LMF1: variants seen among roughly 807,000 people sequenced by gnomAD.
LMF1 encodes the protein transmembrane protein 112.
In LMF1, 68 loss-of-function variants were observed where a neutral mutation model predicts 60.6. The observed-to-expected ratio is 1.12, with a 90% CI of 0.92 to 1.37. LMF1 has a LOEUF of 1.37. LMF1 is among the 40% of genes most tolerant of loss of function. LMF1 has a pLI of 0.00. For missense variants in LMF1, 948 were observed against 767.2 expected (o/e 1.24, Z -2.78); for synonymous variants, 418 against 324.7 (o/e 1.29, Z -3.09).
At chr16:866,508 G>T (rs2069614179) in intron 10 of LMF1, among the ~76,000 whole-genome samples, 1 of 152,172 alleles carries the variant, frequency 6.6e-6, no homozygotes, top group East Asian at 1.9e-4. Flanking sequence ...GGGGTTGGGG[G>T]AGTCCAGGCT....
rs1378943861 is a variant in LMF1, at chr16:897,127, C to T, written c.664-4055G>A. 2.0e-5 allele frequency among the ~76,000 whole-genome samples: 3 copies of T among 152,234 alleles called. No individual in the cohort carries two copies. Among genetic ancestry groups the T allele is most frequent in the Non-Finnish European group, 4.4e-5 (3 of 68,044 alleles). On this transcript the variant is annotated intron_variant, in intron 4 of 10. Coordinates refer to ENST00000262301, the MANE Select transcript of LMF1 (RefSeq NM_022773.4). This position sits in a 1 kb window ranked among gnomAD's most constrained non-coding sequence, Gnocchi z 4.3. ...ACTTTCCAGGCCCATCGACGATGTT[C>T]CCGCCTTGCAACGTGTGGCTGCAGC...
chr16:908,734 C>T (rs1295745551), intron 4 of LMF1, among the ~76,000 whole-genome samples: 1 of 152,266 alleles, frequency 6.6e-6, no homozygotes, highest in East Asian at 1.9e-4. Flanking sequence ...GCAGGGTTCA[C>T]ACAGTAAAAA....
chr16:898,346 A>C (rs1212856553), intron 4 of LMF1, among the ~76,000 whole-genome samples: 1 of 152,234 alleles, frequency 6.6e-6, no homozygotes, highest in Non-Finnish European at 1.5e-5. Flanking sequence ...GGGCCGCCGC[A>C]GAGCCTAGGG....
rs150563446 is a variant in LMF1, at chr16:876,328, C to A, written c.897+3242G>T. On this transcript the variant is annotated intron_variant, in intron 6 of 10. Coordinates refer to ENST00000262301, the MANE Select transcript of LMF1 (RefSeq NM_022773.4). ...AGGCAGTACCGTGGAGACGGAGGGT[C>A]GGCGGGGCACAGAGAACTTCCAGGG... 4.0e-5 allele frequency among the ~76,000 whole-genome samples: 6 copies of A among 151,272 alleles called. No individual in the cohort carries two copies. In the South Asian group the frequency reaches 1.3e-3, roughly 33 times the overall value.
intron 2 of LMF1, among the ~76,000 whole-genome samples, chr16:936,217 A>G (rs2071939016): frequency 9.2e-6 from 1 of 109,042 alleles, no homozygotes; most frequent in Non-Finnish European, 1.8e-5. Flanking sequence ...GAGAGGGGGT[A>G]CCCCGTGGGC....
intron 2 of LMF1, among the ~76,000 whole-genome samples, chr16:937,129 G>A (rs2071970168): frequency 1.3e-5 from 2 of 152,322 alleles, no homozygotes; most frequent in South Asian, 2.1e-4. Context: ...GCATTCTTCT[G>A]TCACTTCACC....
intron 3 of LMF1, among the ~76,000 whole-genome samples, chr16:911,830 C>T (rs998625489): frequency 6.6e-6 from 1 of 152,056 alleles, no homozygotes; most frequent in African/African-American, 2.4e-5. Context: ...TGGGTCCACA[C>T]GGAACCAACA....
At chr16:950,324 C>T (rs187532021) in intron 2 of LMF1, among the ~76,000 whole-genome samples, 1,549 of 107,120 alleles carry the variant, frequency 0.014, 93 homozygotes, top group Non-Finnish European at 0.016. Context: ...TCAGAGACAA[C>T]GACAGAGTCA....
At chr16:956,894 C>T (rs573729538) in intron 1 of LMF1, among the ~76,000 whole-genome samples, 1 of 150,446 alleles carries the variant, frequency 6.6e-6, no homozygotes, top group Admixed American at 6.6e-5. Flanking sequence ...GTGGCTCACG[C>T]CTGTAATTCC....
At chr16:928,843 A>G (rs1385568469) in intron 3 of LMF1, among the ~76,000 whole-genome samples, 4 of 152,192 alleles carry the variant, frequency 2.6e-5, no homozygotes, top group Non-Finnish European at 5.9e-5. Context: ...TACACACCCA[A>G]GTCCATCAGG....
intron 1 of LMF1, among the ~76,000 whole-genome samples, chr16:966,038 C>T (rs2072915794): frequency 6.6e-6 from 1 of 152,050 alleles, no homozygotes; most frequent in Non-Finnish European, 1.5e-5. Context: ...GTGGTCAGCC[C>T]TGGGTGGGGT....
chr16:974,643 G>A (rs1026653591), upstream of LMF1, among the ~76,000 whole-genome samples: 6 of 152,206 alleles, frequency 3.9e-5, no homozygotes, highest in African/African-American at 1.2e-4. Flanking sequence ...CCCGGCCTGC[G>A]CCAGCACAGC....
At chr16:886,602 AG>A (rs1567183194) in intron 5 of LMF1, among the ~76,000 whole-genome samples, 9 of 4,614 alleles carry the variant, frequency 2.0e-3, no homozygotes, top group African/African-American at 0.017. Context: ...CTCCCACCCT[AG>A]GCCCCCGGCG....
intron 3 of LMF1, among the ~76,000 whole-genome samples, chr16:929,824 C>A (rs886070462): frequency 3.3e-5 from 5 of 152,280 alleles, no homozygotes; most frequent in Non-Finnish European, 5.9e-5. Flanking sequence ...GCAGCTTCAT[C>A]CTGCTCAGCA....
chr16:868,155 C>G (rs2069665539), intron 10 of LMF1, among the ~76,000 whole-genome samples: 1 of 152,088 alleles, frequency 6.6e-6, no homozygotes, highest in Admixed American at 6.6e-5. Flanking sequence ...AGTGGCCGCC[C>G]CAGGTCTGGT....
chr16:974,734 CCT>C (rs371048316), upstream of LMF1, among the ~76,000 whole-genome samples: 178 of 152,344 alleles, frequency 1.2e-3, no homozygotes, highest in South Asian at 6.0e-3. Context: ...GGAATGAGCC[CCT>C]GTCGGCACCT....
chr16:859,022 A>T (rs376877053), intron 10 of LMF1, among the ~76,000 whole-genome samples: 6 of 72,470 alleles, frequency 8.3e-5, no homozygotes, highest in South Asian at 6.2e-4. Flanking sequence ...CAGTGGTGTC[A>T]CGGGACGGGT....
At chr16:954,236 C>A (rs766612101) in intron 2 of LMF1, 121 bp downstream of exon 2, 4 of 1,060,296 alleles carry the variant, frequency 3.8e-6, no homozygotes, top group South Asian at 1.4e-5. Flanking sequence ...AATGACAATA[C>A]CCTCCTGAAG....
In LMF1 at chr16:932,227, G is replaced by A. The variant is rs983746903; in HGVS notation, c.514+2017C>T. ...GTGTTCCCCAGGAGGCCTCACAGGCGGGGGCACGGGGAGGGTGGGCTCCAG... is the reference window on the plus strand; with the variant it reads ...GTGTTCCCCAGGAGGCCTCACAGGCAGGGGCACGGGGAGGGTGGGCTCCAG... On this transcript the variant is annotated intron_variant, in intron 3 of 10. Coordinates refer to ENST00000262301, the MANE Select transcript of LMF1 (RefSeq NM_022773.4). 3.3e-5 allele frequency among the ~76,000 whole-genome samples: 5 copies of A among 152,304 alleles called. No homozygotes were observed. The East Asian group carries it at 7.7e-4, about 24-fold the overall frequency.
Sources: allele counts gnomAD v4.1 joint callset (sites outside exome capture counted in the v4.1 genomes callset), GRCh38; gene constraint gnomAD v4.1.1; non-coding constraint Gnocchi (gnomAD v3.1); transcripts MANE v1.5; gene names NCBI Gene and HGNC (gene_info 2026-07-23, HGNC 2026-07-21).